The following SPATA1 variants were observed in gnomAD, a reference collection of about 807,000 sequenced individuals.
The protein encoded by SPATA1 is spermatogenesis-associated protein 1.
In SPATA1, 57 loss-of-function variants were observed where a neutral mutation model predicts 59.6. The ratio of observed to expected loss-of-function variants is 0.96; its 90% CI spans 0.77 to 1.19. The LOEUF is 1.19. Ranked by LOEUF, SPATA1 falls within the 50% of genes most tolerant of loss-of-function variation. The probability of loss-of-function intolerance (pLI) is 0.00; values close to 1 mark genes in which losing one functional copy is unlikely to be tolerated. For missense variants in SPATA1, 448 were observed against 480.7 expected (o/e 0.93, Z 0.64); for synonymous variants, 147 against 163.9 (o/e 0.90, Z 0.79).
intron 1 of SPATA1, among the ~76,000 whole-genome samples, chr1:84,512,426 A>C (rs1461978224): frequency 6.6e-6 from 1 of 152,216 alleles, no homozygotes; most frequent in Non-Finnish European, 1.5e-5. Context: ...GTGAGATTCT[A>C]CTTTATTGGT....
chr1:84,522,220 T>C (rs1683056094), intron 3 of SPATA1, among the ~76,000 whole-genome samples, 170 bp from the exon 4 acceptor site: 1 of 152,184 alleles, frequency 6.6e-6, no homozygotes, highest in Admixed American at 6.5e-5. Flanking sequence ...TAAGAGCTAT[T>C]TATGGAAGAC....
intron 8 of SPATA1, among the ~76,000 whole-genome samples, chr1:84,536,592 C>T (rs758542728): frequency 6.6e-6 from 1 of 151,784 alleles, no homozygotes; most frequent in East Asian, 2.0e-4. Flanking sequence ...TACAGGTGCC[C>T]GCCACCACGC....
intron 3 of SPATA1, among the ~76,000 whole-genome samples, chr1:84,521,034 C>A (rs1283653991): frequency 6.6e-6 from 1 of 152,042 alleles, no homozygotes; most frequent in Non-Finnish European, 1.5e-5. Context: ...TTCTTTGAGG[C>A]CCAGAAGTCA....
exon 4 of SPATA1, chr1:84,522,396 T>C: frequency 6.8e-7 from 1 of 1,471,446 alleles, no homozygotes; most frequent in Non-Finnish European, 9.1e-7. Context: ...TCAGAGTATC[T>C]CCTCAACTTA....
At chr1:84,557,631 A>G (rs1166958262), downstream of SPATA1, among the ~76,000 whole-genome samples, 1 of 151,120 alleles carries the variant, frequency 6.6e-6, no homozygotes, top group African/African-American at 2.4e-5. Context: ...CGAGATGGGC[A>G]GATCATGAGG....
intron 1 of SPATA1, among the ~76,000 whole-genome samples, chr1:84,508,043 A>G (rs1388267889): frequency 6.6e-6 from 1 of 152,158 alleles, no homozygotes; most frequent in African/African-American, 2.4e-5. Context: ...GCACTTTAGC[A>G]GGCTGAGGCG....
intron 11 of SPATA1, chr1:84,549,544 A>C (rs1031754525): frequency 1.3e-5 from 2 of 152,122 alleles, no homozygotes; most frequent in Non-Finnish European, 2.9e-5. Flanking sequence ...GGGAGGGCTT[A>C]TAACACCCAG....
intron 10 of SPATA1, among the ~76,000 whole-genome samples, chr1:84,546,134 G>A (rs1474372839): frequency 6.6e-6 from 1 of 152,162 alleles, no homozygotes; most frequent in Admixed American, 6.5e-5. Context: ...CAGTCCAGTG[G>A]GGAAATGATA....
intron 8 of SPATA1, among the ~76,000 whole-genome samples, chr1:84,537,091 G>A (rs1035185879): frequency 1.2e-4 from 18 of 151,508 alleles, no homozygotes; most frequent in Non-Finnish European, 2.7e-4. Flanking sequence ...TCTTGGCCAG[G>A]CTGGTCTTGG....
chr1:84,527,430 T>C (rs1683267784), intron 6 of SPATA1: 1 of 152,102 alleles, frequency 6.6e-6, no homozygotes, highest in Admixed American at 6.5e-5. Context: ...AGTATACTTT[T>C]ACTAATAAAT....
intron 4 of SPATA1, among the ~76,000 whole-genome samples, chr1:84,562,457 AT>A (rs1055369709): frequency 6.6e-6 from 1 of 152,174 alleles, no homozygotes; most frequent in African/African-American, 2.4e-5. Flanking sequence ...GTTTGCAGTC[AT>A]TTTTTTATAA....
intron 12 of SPATA1, chr1:84,551,122 A>T: frequency 1.0e-6 from 1 of 985,186 alleles, no homozygotes; most frequent in Non-Finnish European, 1.2e-6. Flanking sequence ...CATAGAAATT[A>T]TCTGTGAAGT....
At chr1:84,551,630 C>T (rs1186956737) in intron 12 of SPATA1, 16 of 152,108 alleles carry the variant, frequency 1.1e-4, no homozygotes, top group Admixed American at 1.0e-3. Context: ...ATTCTTTTTA[C>T]AAGCAGCATT....
chr1:84,508,062 A>G (rs1427412477), intron 1 of SPATA1, among the ~76,000 whole-genome samples: 1 of 152,160 alleles, frequency 6.6e-6, no homozygotes, highest in East Asian at 1.9e-4. Flanking sequence ...CGAGCAGATC[A>G]CGAGGTCAAG....
chr1:84,535,098 C>G (rs997251571), intron 8 of SPATA1, among the ~76,000 whole-genome samples: 1 of 152,148 alleles, frequency 6.6e-6, no homozygotes, highest in African/African-American at 2.4e-5. Flanking sequence ...ACCTCCTACA[C>G]CATTTGTTAA....
chr1:84,533,794 A>G (rs971090934), intron 8 of SPATA1, 28 bp downstream of exon 8: 2 of 1,342,816 alleles, frequency 1.5e-6, no homozygotes, highest in Non-Finnish European at 2.1e-6. Context: ...TTGTTTAAAC[A>G]TGGTATTGCA....
intron 6 of SPATA1, among the ~76,000 whole-genome samples, chr1:84,529,981 C>G (rs908782224): frequency 6.6e-6 from 1 of 152,064 alleles, no homozygotes; most frequent in Non-Finnish European, 1.5e-5. Context: ...CTCAGCCTCC[C>G]GAGTAGCTGG....
chr1:84,516,176 T>TGG (rs1682785798), intron 1 of SPATA1, 47 bp from the exon 2 acceptor site: 1 of 514,070 alleles, frequency 1.9e-6, no homozygotes, highest in Non-Finnish European at 3.4e-6. Flanking sequence ...CATTTGTAGT[T>TGG]TATTTAATGC....
chr1:84,545,886 C>T (rs1054600839), intron 10 of SPATA1, 127 bp downstream of exon 10: 2 of 651,686 alleles, frequency 3.1e-6, no homozygotes, highest in Non-Finnish European at 4.5e-6. Context: ...TTAAGTGGTA[C>T]ATGATTAAGT....
Sources: allele counts gnomAD v4.1 joint callset (sites outside exome capture counted in the v4.1 genomes callset), GRCh38; gene constraint gnomAD v4.1.1; transcripts MANE v1.5; gene names NCBI Gene and HGNC (gene_info 2026-07-23, HGNC 2026-07-21).